The following CCDC7 variants were observed in gnomAD, a reference collection of about 807,000 sequenced individuals.
CCDC7 encodes coiled-coil domain-containing protein 7.
In CCDC7, 183 loss-of-function variants were observed where a neutral mutation model predicts 196.9. The observed-to-expected ratio is 0.93, with a 90% CI of 0.82 to 1.05. CCDC7 has a LOEUF of 1.05. CCDC7 is among the 50% of genes least tolerant of loss of function. CCDC7 has a pLI of 0.00. For synonymous variants in CCDC7, 525 were observed against 484.6 expected (o/e 1.08, Z -1.10); for missense variants, 1,540 against 1,482.2 (o/e 1.04, Z -0.64).
rs1325729689 is a variant in CCDC7, at chr10:32,568,165, C to A, written c.1419+274C>A. Among the ~76,000 whole-genome samples, 3 of 151,936 alleles carry A rather than the reference C, an allele frequency of 2.0e-5. No individual in the cohort carries two copies. The East Asian group carries it at 5.8e-4, about 29-fold the overall frequency. The stretch of plus-strand genomic sequence containing the variant: ...GGGATTACAGGCATGCGCCACCATG[C>A]CCGGCTAATTTTTGTATTTTTAGTA... On this transcript the variant is annotated intron_variant, in intron 15 of 41. Transcript: ENST00000639629.
chr10:32,564,374 C>T (rs2056384735), intron 13 of CCDC7, among the ~76,000 whole-genome samples: 1 of 152,086 alleles, frequency 6.6e-6, no homozygotes, highest in Non-Finnish European at 1.5e-5. Flanking sequence ...TGGCACTATT[C>T]ACAATAGCAG....
chr10:32,462,620 A>T, intron 3 of CCDC7, 63 bp from the exon 5 acceptor site: 1 of 1,224,430 alleles, frequency 8.2e-7, no homozygotes, highest in Non-Finnish European at 1.1e-6. Flanking sequence ...TGAACTAAAT[A>T]TTATATTATA....
intron 29 of CCDC7, among the ~76,000 whole-genome samples, chr10:32,794,643 T>G (rs1282880498): frequency 6.6e-6 from 1 of 152,240 alleles, no homozygotes; most frequent in African/African-American, 2.4e-5. Flanking sequence ...ATATGTTATC[T>G]CATGGCTTTG....
chr10:32,761,940 A>T (rs150645180), intron 28 of CCDC7, among the ~76,000 whole-genome samples: 13 of 152,102 alleles, frequency 8.5e-5, no homozygotes, highest in Admixed American at 4.6e-4. Context: ...CCACAGATGC[A>T]GAGAATAAAC....
chr10:32,634,296 A>C, exon 19 of CCDC7: 4 of 1,220,314 alleles, frequency 3.3e-6, no homozygotes, highest in Non-Finnish European at 4.1e-6. Flanking sequence ...GTTGAAAATA[A>C]AGATTCAGTA....
intron 21 of CCDC7, among the ~76,000 whole-genome samples, chr10:32,679,544 C>T (rs1367104197): frequency 6.6e-6 from 1 of 152,184 alleles, no homozygotes; most frequent in Non-Finnish European, 1.5e-5. Flanking sequence ...TCTCATTAAT[C>T]TTCTTTTTAA....
chr10:32,730,082 A>C (rs1440735146), intron 28 of CCDC7, among the ~76,000 whole-genome samples: 2 of 152,162 alleles, frequency 1.3e-5, no homozygotes, highest in Non-Finnish European at 2.9e-5. Context: ...TTTGCTGCAC[A>C]GATCAACCCA....
chr10:32,820,477 T>C (rs1428683407), intron 31 of CCDC7, among the ~76,000 whole-genome samples: 1 of 152,138 alleles, frequency 6.6e-6, no homozygotes, highest in East Asian at 1.9e-4. Flanking sequence ...TTAAAGTTCA[T>C]ATGGAACCAA....
chr10:32,463,953 A>G (rs966180902), intron 5 of CCDC7, among the ~76,000 whole-genome samples: 2 of 152,200 alleles, frequency 1.3e-5, no homozygotes, highest in Admixed American at 6.5e-5. Flanking sequence ...GAAGTCTACT[A>G]TTCCTCTACC....
chr10:32,739,929 G>T (rs1440919117), intron 28 of CCDC7, among the ~76,000 whole-genome samples: 1 of 151,818 alleles, frequency 6.6e-6, no homozygotes, highest in Non-Finnish European at 1.5e-5. Flanking sequence ...TATTTTAGCT[G>T]TAATCTGCTA....
At chr10:32,490,480 A>G (rs957833821) in intron 8 of CCDC7, among the ~76,000 whole-genome samples, 10 of 152,174 alleles carry the variant, frequency 6.6e-5, no homozygotes, top group African/African-American at 1.9e-4. Flanking sequence ...CTCATATGCT[A>G]TGATCAGATT....
chr10:32,611,007 C>T (rs949914513), intron 18 of CCDC7, among the ~76,000 whole-genome samples: 2 of 152,188 alleles, frequency 1.3e-5, no homozygotes, highest in East Asian at 1.9e-4. Context: ...CACTGTCTTC[C>T]ACAATGGTTG....
intron 28 of CCDC7, among the ~76,000 whole-genome samples, chr10:32,755,589 C>T (rs533986498): frequency 7.2e-4 from 110 of 152,184 alleles, no homozygotes; most frequent in African/African-American, 2.4e-3. Context: ...CACACCAAAA[C>T]CCCATCTGTA....
At chr10:32,799,030 C>T (rs1354177405) in intron 29 of CCDC7, among the ~76,000 whole-genome samples, 3 of 152,110 alleles carry the variant, frequency 2.0e-5, no homozygotes, top group African/African-American at 7.2e-5. Flanking sequence ...AGGAGCTGCT[C>T]GAGCCCGATC....
intron 41 of CCDC7, among the ~76,000 whole-genome samples, chr10:32,874,589 C>T (rs2094537599): frequency 6.6e-6 from 1 of 151,494 alleles, no homozygotes; most frequent in Admixed American, 6.6e-5. Context: ...CAGTTCCATC[C>T]AAGTTGCTGC....
At chr10:32,655,961 T>A (rs2069755511) in intron 20 of CCDC7, among the ~76,000 whole-genome samples, 1 of 152,216 alleles carries the variant, frequency 6.6e-6, no homozygotes, top group Admixed American at 6.5e-5. Context: ...TAACTCCTTA[T>A]CAGATCTATA....
At chr10:32,878,068 A>G (rs2094652555), downstream of CCDC7, among the ~76,000 whole-genome samples, 1 of 152,044 alleles carries the variant, frequency 6.6e-6, no homozygotes, top group African/African-American at 2.4e-5. Context: ...TTTCATGGCA[A>G]TTATGACTCC....
At chr10:32,622,086 G>A (rs985167144) in intron 18 of CCDC7, among the ~76,000 whole-genome samples, 7 of 151,972 alleles carry the variant, frequency 4.6e-5, no homozygotes, top group Non-Finnish European at 8.8e-5. Context: ...CTTTCTCTAC[G>A]GAATTCAGTT....
At chr10:32,767,370 T>C (rs2078476799) in intron 28 of CCDC7, among the ~76,000 whole-genome samples, 1 of 152,184 alleles carries the variant, frequency 6.6e-6, no homozygotes, top group South Asian at 2.1e-4. Context: ...AAATGAGATA[T>C]ATTTCAGGGA....
Sources: gnomAD v4.1 joint callset for allele counts (sites outside exome capture counted in the v4.1 genomes callset) on GRCh38, gnomAD v4.1.1 for gene constraint, MANE v1.5 for transcripts, NCBI Gene and HGNC (gene_info 2026-07-23, HGNC 2026-07-21) for gene names.